The following ARMC9 variants were observed in gnomAD, a reference collection of about 807,000 sequenced individuals.
The protein encoded by ARMC9 is lisH domain-containing protein ARMC9.
A neutral mutation model predicts 107.0 loss-of-function variants in ARMC9; 94 were observed. That is an observed-to-expected ratio of 0.88 (90% confidence interval 0.74 to 1.04). The LOEUF (loss-of-function observed/expected upper bound fraction) is 1.04, where lower values mean the gene tolerates loss of function less well. ARMC9 is among the 50% of genes least tolerant of loss of function. The probability of loss-of-function intolerance (pLI) is 0.00; values close to 1 mark genes in which losing one functional copy is unlikely to be tolerated. For missense variants in ARMC9, 942 were observed against 1,030.1 expected (o/e 0.91, Z 1.17); for synonymous variants, 380 against 396.9 (o/e 0.96, Z 0.51).
At chr2:231,236,424 T>C (rs768603592) in intron 8 of ARMC9, among the ~76,000 whole-genome samples, 3 of 152,222 alleles carry the variant, frequency 2.0e-5, no homozygotes, top group Non-Finnish European at 4.4e-5. Flanking sequence ...CCTGACTCTA[T>C]AAAGTACAAT....
At chr2:231,303,765 C>T (rs1303407283) in intron 19 of ARMC9, among the ~76,000 whole-genome samples, 1 of 152,102 alleles carries the variant, frequency 6.6e-6, no homozygotes, top group Non-Finnish European at 1.5e-5. Context: ...TGATGAAACC[C>T]CATTTCTACT....
At chr2:231,279,511 C>CTTTTT (rs57779512) in intron 16 of ARMC9, among the ~76,000 whole-genome samples, 1 of 124,808 alleles carries the variant, frequency 8.0e-6, no homozygotes, top group Non-Finnish European at 1.6e-5. Context: ...TTTCTTTTTT[C>CTTTTT]TTTTTTTTTT....
intron 21 of ARMC9, among the ~76,000 whole-genome samples, chr2:231,347,282 C>T (rs1013432442): frequency 6.6e-6 from 1 of 152,194 alleles, no homozygotes; most frequent in Non-Finnish European, 1.5e-5. Context: ...ACCAGCTTCC[C>T]TTATCAGGTC....
intron 21 of ARMC9, among the ~76,000 whole-genome samples, chr2:231,353,978 TATACACACACACACACACAC>T (rs1336187978): frequency 2.9e-5 from 4 of 138,304 alleles, no homozygotes; most frequent in African/African-American, 1.3e-4. Flanking sequence ...TATATGTATA[TATACACACACACACACACAC>T]ACACACACAC....
chr2:231,355,348 AAAG>A (rs1189464343), intron 21 of ARMC9, among the ~76,000 whole-genome samples: 1 of 152,286 alleles, frequency 6.6e-6, no homozygotes, highest in Non-Finnish European at 1.5e-5. Flanking sequence ...TCTAAGAAAA[AAAG>A]AAGAAAGTTC....
At chr2:231,341,032 G>A (rs73096190) in intron 20 of ARMC9, among the ~76,000 whole-genome samples, 15,019 of 151,984 alleles carry the variant, frequency 0.099, 2,446 homozygotes, top group African/African-American at 0.34. Context: ...AGGAAGGCCC[G>A]TCTCTACAGA....
Position 231,259,158 on chromosome 2 carries a change from T to C in ARMC9, c.1026+56T>C. 9 of 1,437,836 alleles carry C rather than the reference T, an allele frequency of 6.3e-6. No homozygotes were observed. The Admixed American group carries it at 1.5e-4, about 24-fold the overall frequency. 89.1% of individuals were successfully genotyped at this position (1,437,836 alleles called of 1,614,324 possible). A position where few individuals can be genotyped will look rare whatever the true frequency, so the allele number is the denominator to read the frequency against. ...AAAACCAAACCAGTGCTGGTTTTCT[T>C]GGCTGGCTACCTTGCTTATATCTTT... On this transcript the variant is annotated intron_variant, in intron 11 of 24. Transcript: ENST00000611582.
chr2:231,304,506 T>G (rs2041939647), intron 19 of ARMC9, among the ~76,000 whole-genome samples: 1 of 152,164 alleles, frequency 6.6e-6, no homozygotes, highest in African/African-American at 2.4e-5. Context: ...AAGTGGTTCT[T>G]TTGCCTCAGC....
chr2:231,337,807 C>T (rs1166429063), intron 20 of ARMC9, among the ~76,000 whole-genome samples: 1 of 152,162 alleles, frequency 6.6e-6, no homozygotes, highest in East Asian at 1.9e-4. Flanking sequence ...GAATCCTTTT[C>T]GTTTGCCATT....
At chr2:231,353,728 G>A (rs2045204768) in intron 21 of ARMC9, among the ~76,000 whole-genome samples, 2 of 151,786 alleles carry the variant, frequency 1.3e-5, no homozygotes, top group African/African-American at 4.9e-5. Flanking sequence ...TTCCACGACT[G>A]TGGATGGAAT....
At chr2:231,277,822 C>G (rs1261808746) in intron 15 of ARMC9, among the ~76,000 whole-genome samples, 1 of 152,142 alleles carries the variant, frequency 6.6e-6, no homozygotes, top group African/African-American at 2.4e-5. Flanking sequence ...TTCGCCCTCC[C>G]AAAGTGCTGG....
At chr2:231,317,273 C>T (rs997963240) in intron 19 of ARMC9, among the ~76,000 whole-genome samples, 4 of 151,992 alleles carry the variant, frequency 2.6e-5, no homozygotes, top group Non-Finnish European at 4.4e-5. Context: ...TGGGTTCAAG[C>T]GATTCTCCTG....
chr2:231,340,098 C>T (rs1207806300), intron 20 of ARMC9, among the ~76,000 whole-genome samples: 2 of 152,094 alleles, frequency 1.3e-5, no homozygotes, highest in Non-Finnish European at 2.9e-5. Flanking sequence ...CCTGCAGAAA[C>T]GAAGGGAAAA....
chr2:231,214,812 T>C lies in ARMC9; in HGVS notation c.178-19T>C. On this transcript the variant is annotated intron_variant, in intron 3 of 24. Transcript: ENST00000611582. ...TTGAAATTTACAACGAGGTATGTAG[T>C]CTGATGTCTTCTCCACAGAAGGATC... 6.2e-7 allele frequency: 1 copy of C among 1,612,054 alleles called. No individual in the cohort carries two copies. The highest frequency in any genetic ancestry group is 2.2e-5 in the East Asian group (1 of 44,824).
rs2125592494 is a variant in ARMC9, at chr2:231,358,804, CAGGAAATAGTTCCCA to C, written c.2132-1946_2132-1932del. Among the ~76,000 whole-genome samples the C allele has an allele frequency of 6.6e-6, 1 of 152,320 alleles. No homozygotes were observed. The highest frequency in any genetic ancestry group is 6.5e-5 in the Admixed American group (1 of 15,296). On this transcript the variant is annotated intron_variant, in intron 22 of 24. Coordinates refer to ENST00000611582, the MANE Select transcript of ARMC9 (RefSeq NM_001352754.2). The surrounding 1 kb of genome is among the most constrained non-coding windows in gnomAD (Gnocchi z 4.5). The stretch of plus-strand genomic sequence containing the variant: ...GGCAAAAGACAGCCCCAAATGCCAA[CAGGAAATAGTTCCCA>C]AGGGAAAAGGCCAATAATATGGCTT...
At chr2:231,355,000 G>A (rs2045279093) in intron 21 of ARMC9, among the ~76,000 whole-genome samples, 1 of 152,220 alleles carries the variant, frequency 6.6e-6, no homozygotes, top group Non-Finnish European at 1.5e-5. Flanking sequence ...ATTAGGCACT[G>A]CAAAGGAGCT....
Position 231,358,187 on chromosome 2 carries a change from G to A in ARMC9, c.2131+2253G>A, listed in dbSNP as rs1216454716. ...GTCCATTAAGCCAGGGTATGAATGAGGGGGAGGGGGATGAGCAGCAGGGAC... is the reference window on the plus strand; with the variant it reads ...GTCCATTAAGCCAGGGTATGAATGAAGGGGAGGGGGATGAGCAGCAGGGAC... On this transcript the variant is annotated intron_variant, in intron 22 of 24. Coordinates refer to ENST00000611582, the MANE Select transcript of ARMC9 (RefSeq NM_001352754.2). This position sits in a 1 kb window ranked among gnomAD's most constrained non-coding sequence, Gnocchi z 4.5. Among the ~76,000 whole-genome samples, 1 of 152,166 alleles carries A rather than the reference G, an allele frequency of 6.6e-6. No individual in the cohort carries two copies. Among genetic ancestry groups the A allele is most frequent in the African/African-American group, 2.4e-5 (1 of 41,422 alleles).
intron 21 of ARMC9, among the ~76,000 whole-genome samples, chr2:231,352,571 G>A (rs190607342): frequency 2.7e-5 from 4 of 150,556 alleles, no homozygotes; most frequent in Non-Finnish European, 4.4e-5. Context: ...TGATCCGCCC[G>A]CCTTGGCTTC....
intron 21 of ARMC9, among the ~76,000 whole-genome samples, chr2:231,350,999 G>C (rs374110027): frequency 0.075 from 7,831 of 104,992 alleles, 939 homozygotes; most frequent in African/African-American, 0.27. Flanking sequence ...CGCTCTGTCA[G>C]CCAGGCTGGA....
Sources: gnomAD v4.1 joint callset for allele counts (sites outside exome capture counted in the v4.1 genomes callset) on GRCh38, gnomAD v4.1.1 for gene constraint, Gnocchi (gnomAD v3.1) non-coding constraint, MANE v1.5 for transcripts, NCBI Gene and HGNC (gene_info 2026-07-23, HGNC 2026-07-21) for gene names.